Variants in TULP4 observed in about 807,000 individuals in gnomAD.
TULP4 encodes the protein tubby-related protein 4.
TULP4 carries 16 observed loss-of-function variants against 129.0 expected under a neutral mutation model. The ratio of observed to expected loss-of-function variants is 0.12; its 90% CI spans 0.08 to 0.19. The LOEUF is 0.19. TULP4 is among the 10% of genes least tolerant of loss of function. The pLI is 1.00. For missense variants in TULP4, 1,842 were observed against 2,059.1 expected (o/e 0.89, Z 2.04); for synonymous variants, 998 against 854.0 (o/e 1.17, Z -2.94).
At chr6:158,247,558 GA>G (rs1252817805) in intron 1 of TULP4, among the ~76,000 whole-genome samples, 1 of 152,170 alleles carries the variant, frequency 6.6e-6, no homozygotes, top group Non-Finnish European at 1.5e-5. Context: ...TCTTGTCAAG[GA>G]CAAAAGGAAG....
upstream of TULP4, among the ~76,000 whole-genome samples, chr6:158,280,400 A>G (rs1778728062): frequency 6.6e-6 from 1 of 152,186 alleles, no homozygotes; most frequent in Admixed American, 6.5e-5. Context: ...TTTCTTTACC[A>G]GGAATCTATT....
At chr6:158,477,100 G>A (rs969919366) in intron 6 of TULP4, among the ~76,000 whole-genome samples, 73 of 152,110 alleles carry the variant, frequency 4.8e-4, no homozygotes, top group Non-Finnish European at 2.6e-4. Flanking sequence ...AGACAAGGTT[G>A]TTTTTGTCAG....
intron 1 of TULP4, among the ~76,000 whole-genome samples, chr6:158,326,015 G>C (rs1324084586): frequency 6.7e-6 from 1 of 149,172 alleles, no homozygotes; most frequent in Non-Finnish European, 1.5e-5. Context: ...CTGAGATTTA[G>C]CACTCTTCTC....
At chr6:158,476,896 A>G (rs549131102) in intron 6 of TULP4, among the ~76,000 whole-genome samples, 53 of 152,344 alleles carry the variant, frequency 3.5e-4, no homozygotes, top group African/African-American at 1.1e-3. Flanking sequence ...AAGGACCAGC[A>G]GTGGAGCTGG....
Position 158,455,826 on chromosome 6 carries a change from C to T in TULP4, c.859+3558C>T, listed in dbSNP as rs186382793. ...AGATTAAATCGAAATGAGCTGGTGC[C>T]ATCAAGTAGGTGCTGTAAGGACAGA... On this transcript the variant is annotated intron_variant, in intron 5 of 13. Transcript: ENST00000367097. Among the ~76,000 whole-genome samples, 7 of 152,242 alleles carry T rather than the reference C, an allele frequency of 4.6e-5. No homozygotes were observed. In the East Asian group the frequency reaches 1.3e-3, roughly 29 times the overall value.
upstream of TULP4, among the ~76,000 whole-genome samples, chr6:158,309,726 C>T (rs1189353046): frequency 1.3e-5 from 2 of 151,802 alleles, no homozygotes; most frequent in Non-Finnish European, 2.9e-5. Flanking sequence ...CCGTCTCCAC[C>T]AAAAAAATAC....
chr6:158,451,575 G>A (rs978764852), intron 4 of TULP4, among the ~76,000 whole-genome samples: 7 of 152,172 alleles, frequency 4.6e-5, no homozygotes, highest in Non-Finnish European at 2.9e-5. Context: ...TCCTTATGCC[G>A]GCTGTGCTCC....
chr6:158,480,240 G>A (rs945397806), intron 7 of TULP4, among the ~76,000 whole-genome samples: 2 of 152,224 alleles, frequency 1.3e-5, no homozygotes, highest in Non-Finnish European at 2.9e-5. Flanking sequence ...ATGATCAAAG[G>A]AGTGACCATT....
Position 158,314,125 on chromosome 6 carries a change from A to G in TULP4, c.109A>G (p.Arg37Gly). ...GAGTGAGAAGGAGAAGCCTGTGTGC[A>G]GGAGACGCTACTATGAGGAAGGCTG... ...PKSEKEKPVCRRRYYEEGWLA... is the reference protein window; with the variant it reads ...PKSEKEKPVCGRRYYEEGWLA... Residue 37 changes from arginine to glycine, a missense_variant, in exon 1 of 14, where the codon AGG (arginine) becomes GGG (glycine). This residue lies in a region of TULP4 where 151 missense variants were observed against 268.7 expected (regional missense o/e 0.56). Transcript: ENST00000367097. The G allele has an allele frequency of 6.2e-7, 1 of 1,614,208 alleles. No homozygotes were observed. The highest frequency in any genetic ancestry group is 8.5e-7 in the Non-Finnish European group (1 of 1,180,036).
chr6:158,385,618 A>G (rs983675011), intron 1 of TULP4, among the ~76,000 whole-genome samples: 2 of 149,970 alleles, frequency 1.3e-5, no homozygotes, highest in Non-Finnish European at 1.5e-5. Flanking sequence ...ATATAATTAT[A>G]TACATATTAT....
chr6:158,454,056 T>C (rs1779236162), intron 5 of TULP4, among the ~76,000 whole-genome samples: 3 of 137,816 alleles, frequency 2.2e-5, no homozygotes, highest in African/African-American at 8.5e-5. Flanking sequence ...TTTTAAACTA[T>C]AGAATATTTT....
In TULP4 at chr6:158,509,277, T is replaced by C. The variant is rs1471876036; in HGVS notation, c.*2583T>C. 6.6e-6 allele frequency: 1 copy of C among 152,190 alleles called. No individual in the cohort carries two copies. The highest frequency in any genetic ancestry group is 1.5e-5 in the Non-Finnish European group (1 of 68,026). The allele number at this position is 152,190 out of a possible 1,614,324, so 9.4% of individuals were successfully genotyped here. A position where few individuals can be genotyped will look rare whatever the true frequency, so the allele number is the denominator to read the frequency against. On this transcript the variant is annotated 3_prime_UTR_variant, in exon 14 of 14. Coordinates refer to ENST00000367097, the MANE Select transcript of TULP4 (RefSeq NM_020245.5). ...CACTTAAAAATTTTTTTTTGTATTTTGTGTTATTGATTATATACAAAGGAG... is the reference window on the plus strand; with the variant it reads ...CACTTAAAAATTTTTTTTTGTATTTCGTGTTATTGATTATATACAAAGGAG...
intron 1 of TULP4, among the ~76,000 whole-genome samples, chr6:158,353,793 A>G (rs1780580787): frequency 6.6e-6 from 1 of 152,224 alleles, no homozygotes; most frequent in African/African-American, 2.4e-5. Context: ...CAAGCACTGA[A>G]ATTGTTTCTG....
chr6:158,503,303 T>C lies in TULP4; in HGVS notation c.3640T>C (p.Ser1214Pro). The C allele has an allele frequency of 6.2e-7, 1 of 1,613,774 alleles. No individual in the cohort carries two copies. Among genetic ancestry groups the C allele is most frequent in the Non-Finnish European group, 8.5e-7 (1 of 1,179,954 alleles). The change falls in exon 13 of 14, where the codon TCC becomes CCC. Residue 1214 changes from serine (S) to proline (P), a missense_variant. Around this residue, in one of 5 missense-constraint regions of TULP4, gnomAD observed 1,089 missense variants for 987.1 expected, o/e 1.10. Coordinates refer to ENST00000367097, the MANE Select transcript of TULP4 (RefSeq NM_020245.5). This position sits in a 1 kb window ranked among gnomAD's most constrained non-coding sequence, Gnocchi z 4.3. ...TCCCTGCTCTCCCAAAGATGCCCTG[T>C]CCCCAACGCAGTTTGCACAACAGGA... is the stretch of plus-strand genomic sequence containing the variant. ...QAPCSPKDAL[S>P]PTQFAQQEPA...
At chr6:158,385,474 C>T (rs1212822300) in intron 1 of TULP4, among the ~76,000 whole-genome samples, 1 of 152,138 alleles carries the variant, frequency 6.6e-6, no homozygotes, top group African/African-American at 2.4e-5. Context: ...TCCTGGCTTT[C>T]AGGCGAATAA....
chr6:158,359,578 C>G (rs1562534005), intron 1 of TULP4, among the ~76,000 whole-genome samples: 1 of 152,090 alleles, frequency 6.6e-6, no homozygotes, highest in East Asian at 1.9e-4. Context: ...CCACGTTCTT[C>G]TGCCTGCTTT....
At position 158,503,009 on chromosome 6, in the gene TULP4, C is replaced by T; in HGVS notation, c.3346C>T (p.Leu1116=). ...TCCCCTGCCTGAAGCTGCTGTCACCCTGAAACGGCCACCCCCTTACCAGTG... is the reference window on the plus strand; with the variant it reads ...TCCCCTGCCTGAAGCTGCTGTCACCTTGAAACGGCCACCCCCTTACCAGTG... The part of the protein sequence containing the change: ...HPPLPEAAVT[L]KRPPPYQWDP... The change falls in exon 13 of 14, where the codon CTG becomes TTG. Residue 1116 remains leucine, a synonymous_variant. Coordinates refer to ENST00000367097, the MANE Select transcript of TULP4 (RefSeq NM_020245.5). The surrounding 1 kb of genome is among the most constrained non-coding windows in gnomAD (Gnocchi z 4.3). The T allele has an allele frequency of 6.2e-7, 1 of 1,614,130 alleles. No individual in the cohort carries two copies. Among genetic ancestry groups the T allele is most frequent in the Non-Finnish European group, 8.5e-7 (1 of 1,180,024 alleles).
At chr6:158,361,184 G>A (rs1015053294) in intron 1 of TULP4, among the ~76,000 whole-genome samples, 2 of 152,160 alleles carry the variant, frequency 1.3e-5, no homozygotes, top group African/African-American at 2.4e-5. Context: ...ACTTCCATCT[G>A]TCCAGTCCTT....
chr6:158,275,099 C>A (rs1229518459), intron 1 of TULP4, among the ~76,000 whole-genome samples: 1 of 152,162 alleles, frequency 6.6e-6, no homozygotes, highest in African/African-American at 2.4e-5. Flanking sequence ...GTTCTGAGTT[C>A]CAAAAGAGCC....
Sources: gnomAD v4.1 joint callset for allele counts (sites outside exome capture counted in the v4.1 genomes callset) on GRCh38, gnomAD v4.1.1 for gene constraint, gnomAD v4.1.1 regional missense constraint, Gnocchi (gnomAD v3.1) non-coding constraint, MANE v1.5 for transcripts, NCBI Gene and HGNC (gene_info 2026-07-23, HGNC 2026-07-21) for gene names.